The following DOK6 variants were observed in gnomAD, a reference collection of about 807,000 sequenced individuals.
The protein encoded by DOK6 is downstream of tyrosine kinase 6.
A neutral mutation model predicts 44.0 loss-of-function variants in DOK6; 22 were observed. That is an observed-to-expected ratio of 0.50 (90% CI 0.36 to 0.71). The LOEUF (loss-of-function observed/expected upper bound fraction) is 0.71. DOK6 is among the 30% of genes least tolerant of loss of function. The pLI is 0.00. For missense variants in DOK6, 340 were observed against 416.4 expected (o/e 0.82, Z 1.60); for synonymous variants, 166 against 145.5 (o/e 1.14, Z -1.01).
intron 1 of DOK6, among the ~76,000 whole-genome samples, chr18:69,561,556 T>G (rs1982832668): frequency 6.6e-6 from 1 of 152,098 alleles, no homozygotes; most frequent in Non-Finnish European, 1.5e-5. Flanking sequence ...ATGTGTGAAA[T>G]ACAGGAGCTT....
rs549984634 is a variant in DOK6 at position 69,736,431 on chromosome 18, T to C, written c.600-2534T>C. Among the ~76,000 whole-genome samples, 70 of 152,320 alleles carry C rather than the reference T, an allele frequency of 4.6e-4. No homozygotes were observed. In the South Asian group the frequency reaches 0.013, roughly 29 times the overall value. On this transcript the variant is annotated intron_variant, in intron 5 of 7. Transcript: ENST00000382713. ...GAGCTGAAAGAAACCTTAGAGATTA[T>C]ATTATCCAACATCCTATTTTAGATA...
intron 1 of DOK6, among the ~76,000 whole-genome samples, chr18:69,433,652 G>A (rs191943184): frequency 1.1e-3 from 174 of 151,764 alleles, no homozygotes; most frequent in African/African-American, 4.0e-3. Context: ...CACTGTCTGT[G>A]TCATCTGTAT....
At chr18:69,442,536 T>A (rs1291526258) in intron 1 of DOK6, among the ~76,000 whole-genome samples, 1 of 152,316 alleles carries the variant, frequency 6.6e-6, no homozygotes, top group East Asian at 1.9e-4. Context: ...ACTGCCCCCA[T>A]GATCTAATCA....
At chr18:69,747,964 A>G (rs1236797839) in intron 6 of DOK6, among the ~76,000 whole-genome samples, 2 of 152,134 alleles carry the variant, frequency 1.3e-5, no homozygotes, top group African/African-American at 2.4e-5. Flanking sequence ...ACTGGTCAAA[A>G]CAATCACCAA....
At chr18:69,446,295 G>A (rs1317639160) in intron 1 of DOK6, among the ~76,000 whole-genome samples, 1 of 147,952 alleles carries the variant, frequency 6.8e-6, no homozygotes, top group African/African-American at 2.5e-5. Context: ...CTATGAGTGA[G>A]AACACGCGGT....
chr18:69,448,138 C>G (rs1415471970), intron 1 of DOK6, among the ~76,000 whole-genome samples: 1 of 152,182 alleles, frequency 6.6e-6, no homozygotes, highest in African/African-American at 2.4e-5. Flanking sequence ...AGATGGTAGG[C>G]AGACAACTTA....
intron 1 of DOK6, among the ~76,000 whole-genome samples, chr18:69,447,145 A>G (rs140242803): frequency 3.9e-5 from 6 of 152,144 alleles, no homozygotes; most frequent in African/African-American, 1.4e-4. Flanking sequence ...TATGTCCTGA[A>G]TGGTATTGCC....
intron 5 of DOK6, among the ~76,000 whole-genome samples, chr18:69,707,887 T>C (rs1986668717): frequency 6.6e-6 from 1 of 152,112 alleles, no homozygotes; most frequent in African/African-American, 2.4e-5. Flanking sequence ...AAGAAGATGA[T>C]TTGCACGGCG....
At chr18:69,624,773 T>C (rs1370738857) in intron 3 of DOK6, among the ~76,000 whole-genome samples, 5 of 152,128 alleles carry the variant, frequency 3.3e-5, no homozygotes, top group African/African-American at 7.2e-5. Context: ...CATTTTATCA[T>C]ACATATTAGA....
intron 3 of DOK6, among the ~76,000 whole-genome samples, chr18:69,628,009 A>G (rs1317801998): frequency 6.6e-6 from 1 of 152,238 alleles, no homozygotes; most frequent in African/African-American, 2.4e-5. Context: ...AATTTTATGC[A>G]TAATGTACAA....
In DOK6 at chr18:69,666,961, G is replaced by A. The variant is rs1219230952; in HGVS notation, c.290-10773G>A. On this transcript the variant is annotated intron_variant, in intron 3 of 7. Transcript: ENST00000382713. ...CTGCAGGCTCCACCTCTGTCAGTAG[G>A]AGCCACCAGGGACACTGTGCTCCCA... Among the ~76,000 whole-genome samples the A allele has an allele frequency of 2.0e-5, 3 of 152,194 alleles. No individual in the cohort carries two copies. In the East Asian group the frequency reaches 5.8e-4, roughly 29 times the overall value.
At chr18:69,518,490 G>C (rs1160568230) in intron 1 of DOK6, among the ~76,000 whole-genome samples, 19 of 151,994 alleles carry the variant, frequency 1.3e-4, no homozygotes, top group Non-Finnish European at 1.5e-5. Context: ...ATATTGCATT[G>C]CAATTTAAAT....
intron 1 of DOK6, among the ~76,000 whole-genome samples, chr18:69,430,990 T>C (rs1209259008): frequency 6.6e-6 from 1 of 152,070 alleles, no homozygotes; most frequent in Non-Finnish European, 1.5e-5. Flanking sequence ...TACTAATGTT[T>C]TCCCATGTCA....
intron 2 of DOK6, among the ~76,000 whole-genome samples, chr18:69,568,553 T>C (rs1307802164): frequency 1.3e-5 from 2 of 152,132 alleles, no homozygotes; most frequent in Non-Finnish European, 1.5e-5. Context: ...CAAAGCAATA[T>C]TGGCCATGGC....
chr18:69,731,785 G>A (rs1209929393), intron 5 of DOK6, among the ~76,000 whole-genome samples: 1 of 152,136 alleles, frequency 6.6e-6, no homozygotes, highest in Admixed American at 6.5e-5. Flanking sequence ...TGTCCCAATC[G>A]TAACATGGCA....
intron 3 of DOK6, among the ~76,000 whole-genome samples, chr18:69,613,579 G>A (rs1018286108): frequency 1.3e-5 from 2 of 151,792 alleles, no homozygotes; most frequent in African/African-American, 4.8e-5. Flanking sequence ...TCCTATGAGC[G>A]GTTCTATTGA....
rs1246684554 is a variant in DOK6 at position 69,435,025 on chromosome 18, G to GGGAAGGAAGGAAGGACGGAAGGAAGGAA, written c.66+33730_66+33731insCGGAAGGAAGGAAGGAAGGAAGGAAGGA. 6.8e-4 allele frequency among the ~76,000 whole-genome samples: 49 copies of GGGAAGGAAGGAAGGACGGAAGGAAGGAA among 72,328 alleles called. 3 individuals are homozygous for GGGAAGGAAGGAAGGACGGAAGGAAGGAA. Among genetic ancestry groups the GGGAAGGAAGGAAGGACGGAAGGAAGGAA allele is most frequent in the East Asian group, 2.6e-3 (4 of 1,568 alleles). 47.4% of individuals were successfully genotyped at this position (72,328 alleles called of 152,430 possible). A position where few individuals can be genotyped will look rare whatever the true frequency, so the allele number is the denominator to read the frequency against. ...GAAGAAAGATTAGTGTAGGGAGGGA[G>GGGAAGGAAGGAAGGACGGAAGGAAGGAA]GGAAGGAAGGAAGGAAGGAAGGAAG... On this transcript the variant is annotated intron_variant, in intron 1 of 7. Transcript: ENST00000382713.
intron 1 of DOK6, among the ~76,000 whole-genome samples, chr18:69,502,846 G>C (rs1340130204): frequency 6.6e-6 from 1 of 152,108 alleles, no homozygotes; most frequent in African/African-American, 2.4e-5. Flanking sequence ...AGAGATGTTA[G>C]ACTGACTGAA....
At chr18:69,466,466 A>C (rs1219226067) in intron 1 of DOK6, among the ~76,000 whole-genome samples, 3 of 152,194 alleles carry the variant, frequency 2.0e-5, no homozygotes, top group Non-Finnish European at 4.4e-5. Flanking sequence ...ATAATGCTGC[A>C]GTGCATATGA....
Sources: gnomAD v4.1 joint callset for allele counts (sites outside exome capture counted in the v4.1 genomes callset) on GRCh38, gnomAD v4.1.1 for gene constraint, MANE v1.5 for transcripts, NCBI Gene and HGNC (gene_info 2026-07-23, HGNC 2026-07-21) for gene names.